Variants in CHKA observed in about 807,000 individuals in gnomAD.
CHKA encodes CHETK-alpha.
Under a neutral mutation model 60.1 loss-of-function variants are expected in CHKA, and 34 were observed. The ratio of observed to expected loss-of-function variants is 0.57; its 90% CI spans 0.43 to 0.75. The LOEUF is 0.75. Ranked by LOEUF, CHKA falls within the 30% of genes least tolerant of loss-of-function variation. The pLI is 0.00. For synonymous variants in CHKA, 217 were observed against 223.1 expected, an observed-to-expected ratio of 0.97 and a Z score of 0.24; for missense variants, 563 against 561.3, an observed-to-expected ratio of 1.00 and a Z score of -0.03.
At chr11:68,107,910 TAA>T in intron 1 of CHKA, among the ~76,000 whole-genome samples, 1 of 152,098 alleles carries the variant, frequency 6.6e-6, no homozygotes, top group East Asian at 1.9e-4. Context: ...TTAAGATGTG[TAA>T]ATACATTACG....
intron 2 of CHKA, among the ~76,000 whole-genome samples, chr11:68,096,120 T>C (rs1202165880): frequency 2.0e-5 from 3 of 150,900 alleles, no homozygotes; most frequent in Non-Finnish European, 4.4e-5. Flanking sequence ...TCCCAGCACT[T>C]TGGGGGACCA....
At chr11:68,077,863 A>G (rs899918000) in intron 3 of CHKA, among the ~76,000 whole-genome samples, 2 of 152,198 alleles carry the variant, frequency 1.3e-5, no homozygotes, top group Non-Finnish European at 2.9e-5. Context: ...ATGGGAGCAC[A>G]GGGCCATGAG....
intron 3 of CHKA, 84 bp from the exon 4 acceptor site, chr11:68,074,914 A>T: frequency 1.7e-6 from 2 of 1,172,840 alleles, no homozygotes; most frequent in Non-Finnish European, 2.5e-6. Context: ...GGAGTGTTTC[A>T]TCTGATCCTC....
intron 1 of CHKA, 29 bp downstream of exon 1, chr11:68,120,799 C>T: frequency 8.5e-7 from 1 of 1,181,760 alleles, no homozygotes; most frequent in Non-Finnish European, 1.1e-6. Context: ...CCTGACTGTC[C>T]CGCGGCCCCC....
At chr11:68,055,880 AC>A (rs1855997571) in intron 11 of CHKA, among the ~76,000 whole-genome samples, 1 of 150,448 alleles carries the variant, frequency 6.6e-6, no homozygotes, top group African/African-American at 2.5e-5. Context: ...CCCCGTCTCT[AC>A]TTAAAAAAAA....
At chr11:68,067,033 A>C (rs35046555) in intron 7 of CHKA, among the ~76,000 whole-genome samples, 20,154 of 152,160 alleles carry the variant, frequency 0.13, 1,723 homozygotes, top group Middle Eastern at 0.23. Context: ...TTCCTTCCCA[A>C]GGAGACCACA....
At chr11:68,061,479 A>C (rs1358977882) in intron 11 of CHKA, 1 of 254,668 alleles carries the variant, frequency 3.9e-6, no homozygotes, top group Non-Finnish European at 8.1e-6. Context: ...CAGGAGGTCT[A>C]ATTCAATAAT....
chr11:68,063,717 G>A (rs1264151876), intron 10 of CHKA, among the ~76,000 whole-genome samples: 1 of 152,110 alleles, frequency 6.6e-6, no homozygotes, highest in African/African-American at 2.4e-5. Context: ...TTAGATCATG[G>A]GGGTAGTTTC....
intron 1 of CHKA, among the ~76,000 whole-genome samples, chr11:68,101,442 G>C (rs1323492405): frequency 6.6e-6 from 1 of 152,080 alleles, no homozygotes; most frequent in Admixed American, 6.6e-5. Context: ...AAAACTATGA[G>C]AACTAATAAG....
chr11:68,100,604 C>CATAA (rs71461687), intron 1 of CHKA, among the ~76,000 whole-genome samples: 16,146 of 65,364 alleles, frequency 0.25, 994 homozygotes, highest in African/African-American at 0.27. Flanking sequence ...TAAATAAATA[C>CATAA]ATAAATAAAT....
intron 10 of CHKA, among the ~76,000 whole-genome samples, chr11:68,062,840 TA>T (rs1165418689): frequency 1.5e-4 from 23 of 152,104 alleles, no homozygotes; most frequent in African/African-American, 5.3e-4. Flanking sequence ...GCCCAGCAGG[TA>T]GGCAGGTGTG....
In CHKA at chr11:68,064,505, C is replaced by CA; in HGVS notation, c.1232+19dup. The CA allele has an allele frequency of 7.6e-7, 1 of 1,315,906 alleles. No individual in the cohort carries two copies. The highest frequency in any genetic ancestry group is 1.1e-6 in the Non-Finnish European group (1 of 938,702). The allele number at this position is 1,315,906 out of a possible 1,614,324, so 81.5% of individuals were successfully genotyped here. Reference sequence around the variant, plus strand: ...AAAGAGGAAAGCTATCTTTACAAATCAAAAAAGGAAAAATGTTACCTATTA... The same window carrying CA: ...AAAGAGGAAAGCTATCTTTACAAATCAAAAAAAGGAAAAATGTTACCTATTA... On this transcript the variant is annotated intron_variant, in intron 10 of 11. Coordinates refer to ENST00000265689, the MANE Select transcript of CHKA (RefSeq NM_001277.3).
At chr11:68,068,235 G>T (rs1856505241) in intron 7 of CHKA, among the ~76,000 whole-genome samples, 1 of 151,994 alleles carries the variant, frequency 6.6e-6, no homozygotes, top group Non-Finnish European at 1.5e-5. Flanking sequence ...AAGGGGGAAG[G>T]GCCCGGGACT....
chr11:68,118,573 C>T (rs898080287), intron 1 of CHKA, among the ~76,000 whole-genome samples: 2 of 152,216 alleles, frequency 1.3e-5, no homozygotes, highest in African/African-American at 4.8e-5. Context: ...TTCTCCGCAC[C>T]TCCAAATGCC....
intron 11 of CHKA, among the ~76,000 whole-genome samples, chr11:68,056,188 T>G (rs1856008683): frequency 6.6e-6 from 1 of 152,254 alleles, no homozygotes; most frequent in Non-Finnish European, 1.5e-5. Context: ...ATTTTCTCCA[T>G]GATATCGTTC....
intron 1 of CHKA, among the ~76,000 whole-genome samples, chr11:68,111,210 G>A (rs1858121508): frequency 1.3e-5 from 2 of 151,664 alleles, no homozygotes; most frequent in South Asian, 2.1e-4. Flanking sequence ...TCAGGAGTTC[G>A]AGACCAGCCT....
chr11:68,105,264 C>T (rs373469570), intron 1 of CHKA, among the ~76,000 whole-genome samples: 2 of 151,930 alleles, frequency 1.3e-5, no homozygotes, highest in Non-Finnish European at 2.9e-5. Context: ...CGCCTGTAAT[C>T]CCAGCACTTT....
Position 68,053,945 on chromosome 11 carries a change from C to T in CHKA, c.*43G>A. On this transcript the variant is annotated 3_prime_UTR_variant, in exon 12 of 12. Transcript: ENST00000265689. Reference sequence around the variant, plus strand: ...AGAGGGGACCCCGCTCTGCTGCCTCCCCATGCAGTCCAGTGATGAGGTGGA... The same window carrying T: ...AGAGGGGACCCCGCTCTGCTGCCTCTCCATGCAGTCCAGTGATGAGGTGGA... 1 of 1,582,254 alleles carries T rather than the reference C, an allele frequency of 6.3e-7. No individual in the cohort carries two copies. Among genetic ancestry groups the T allele is most frequent in the Non-Finnish European group, 8.7e-7 (1 of 1,153,152 alleles).
At chr11:68,075,007 T>C (rs1202741326) in intron 3 of CHKA, among the ~76,000 whole-genome samples, 177 bp from the exon 4 acceptor site, 1 of 152,254 alleles carries the variant, frequency 6.6e-6, no homozygotes, top group Non-Finnish European at 1.5e-5. Flanking sequence ...AAGTCACACA[T>C]CGTGTCATTT....
Sources: allele counts gnomAD v4.1 joint callset (sites outside exome capture counted in the v4.1 genomes callset), GRCh38; gene constraint gnomAD v4.1.1; transcripts MANE v1.5; gene names NCBI Gene and HGNC (gene_info 2026-07-23, HGNC 2026-07-21).